The following TRPM7 variants were observed in gnomAD, a reference collection of about 807,000 sequenced individuals.
The protein encoded by TRPM7 is LTRPC ion channel family member 7.
In TRPM7, 134 loss-of-function variants were observed where a neutral mutation model predicts 229.7. The ratio of observed to expected loss-of-function variants is 0.58; its 90% CI spans 0.51 to 0.67. TRPM7 has a LOEUF of 0.67. TRPM7 is among the 30% of genes least tolerant of loss of function. The probability of loss-of-function intolerance (pLI) is 0.00; values close to 1 mark genes in which losing one functional copy is unlikely to be tolerated. For synonymous variants in TRPM7, 699 were observed against 715.2 expected, an observed-to-expected ratio of 0.98 and a Z score of 0.36; for missense variants, 1,901 against 2,210.0, an observed-to-expected ratio of 0.86 and a Z score of 2.80.
rs1247210224 is a variant in TRPM7 at position 50,639,458 on chromosome 15, A to G, written c.626T>C (p.Val209Ala). 1 of 1,604,320 alleles carries G rather than the reference A, an allele frequency of 6.2e-7. No individual in the cohort carries two copies. The highest frequency in any genetic ancestry group is 1.1e-5 in the South Asian group (1 of 88,894). The part of the protein sequence containing the change: ...ICTIGIAPWG[V>A]IENRNDLVGR... The stretch of plus-strand genomic sequence containing the variant: ...AACAAGATCATTTCTGTTTTCAATC[A>G]CTCCCCATGGAGCTATTCCGATAGT... The change falls in exon 6 of 39, where the codon GTG (valine) becomes GCG (alanine). Residue 209 changes from valine (V) to alanine (A), a missense_variant. Val to Ala is a moderately conservative substitution (Grantham distance 64). Coordinates refer to ENST00000646667, the MANE Select transcript of TRPM7 (RefSeq NM_017672.6).
intron 1 of TRPM7, among the ~76,000 whole-genome samples, chr15:50,672,805 G>A (rs2062017657): frequency 6.8e-6 from 1 of 147,872 alleles, no homozygotes; most frequent in African/African-American, 2.5e-5. Context: ...AGCTACTCAG[G>A]AGGCTGAGGC....
intron 38 of TRPM7, among the ~76,000 whole-genome samples, chr15:50,564,826 G>A (rs1485865255): frequency 1.3e-5 from 2 of 152,202 alleles, no homozygotes; most frequent in East Asian, 3.9e-4. Flanking sequence ...TCAAGACTAT[G>A]TCAGTATGGC....
chr15:50,636,867 C>A (rs1013510815), intron 7 of TRPM7, among the ~76,000 whole-genome samples: 1 of 152,120 alleles, frequency 6.6e-6, no homozygotes, highest in African/African-American at 2.4e-5. Flanking sequence ...CAGTGGCTCA[C>A]GCCTGTAATC....
chr15:50,574,891 A>G lies in TRPM7; in HGVS notation c.4980T>C (p.Ser1660=). The G allele has an allele frequency of 6.2e-7, 1 of 1,613,526 alleles. No individual in the cohort carries two copies. The highest frequency in any genetic ancestry group is 8.5e-7 in the Non-Finnish European group (1 of 1,179,514). ...FLPEVVNTWS[S]IYKEDTVLHL... ...GCAGAACTGTATCTTCTTTGTAAAT[A>G]CTTGACCATGTATTAACCACCTCTG... Residue 1660 remains serine (S), a synonymous_variant, in exon 34 of 39, where the codon AGT becomes AGC. Transcript: ENST00000646667.
chr15:50,659,484 G>A (rs2061674069), intron 2 of TRPM7, among the ~76,000 whole-genome samples: 1 of 152,202 alleles, frequency 6.6e-6, no homozygotes, highest in Non-Finnish European at 1.5e-5. Context: ...ATAAAATTAA[G>A]AGTTCAACTA....
intron 29 of TRPM7, chr15:50,582,556 G>T (rs1307226107): frequency 6.6e-6 from 1 of 152,160 alleles, no homozygotes; most frequent in Non-Finnish European, 1.5e-5. Flanking sequence ...CAGAAAGGAG[G>T]ATTTGTTACT....
At chr15:50,595,123 A>G (rs1199278670) in intron 23 of TRPM7, among the ~76,000 whole-genome samples, 1 of 152,084 alleles carries the variant, frequency 6.6e-6, no homozygotes, top group African/African-American at 2.4e-5. Flanking sequence ...GGACTACTTG[A>G]GCCCAGATGG....
chr15:50,567,731 C>A (rs1036892353), intron 38 of TRPM7, among the ~76,000 whole-genome samples: 1 of 151,760 alleles, frequency 6.6e-6, no homozygotes, highest in African/African-American at 2.4e-5. Flanking sequence ...CATGATCATA[C>A]CAAAAGATGC....
chr15:50,680,969 A>C (rs2062228853), intron 1 of TRPM7, among the ~76,000 whole-genome samples: 2 of 152,108 alleles, frequency 1.3e-5, no homozygotes, highest in Admixed American at 6.6e-5. Flanking sequence ...ATATATGTAA[A>C]GTGTCGGGCG....
Position 50,636,017 on chromosome 15 carries a change from T to C in TRPM7, c.832+1405A>G, listed in dbSNP as rs573797990. Reference sequence around the variant, plus strand: ...AAAAATTAAAAATTAAAGAAGAAATTGATGACAGAATTACATAACTGGAAC... The same window carrying C: ...AAAAATTAAAAATTAAAGAAGAAATCGATGACAGAATTACATAACTGGAAC... On this transcript the variant is annotated intron_variant, in intron 7 of 38. Coordinates refer to ENST00000646667, the MANE Select transcript of TRPM7 (RefSeq NM_017672.6). Among the ~76,000 whole-genome samples, 78 of 151,600 alleles carry C rather than the reference T, an allele frequency of 5.1e-4. 1 individual carries two copies. The highest frequency in any genetic ancestry group is 3.4e-3 in the Middle Eastern group (1 of 292).
At chr15:50,613,245 T>C (rs1299972114) in intron 15 of TRPM7, among the ~76,000 whole-genome samples, 4 of 152,180 alleles carry the variant, frequency 2.6e-5, no homozygotes, top group African/African-American at 9.6e-5. Context: ...GGCCCACGCC[T>C]GTAATCCCAG....
In TRPM7 at chr15:50,635,318, T is replaced by TAAA. The variant is rs71124393; in HGVS notation, c.833-765_833-763dup. 9.1e-4 allele frequency among the ~76,000 whole-genome samples: 39 copies of TAAA among 42,946 alleles called. 3 individuals are homozygous for TAAA. Among genetic ancestry groups the TAAA allele is most frequent in the African/African-American group, 2.3e-3 (24 of 10,538 alleles). 28.2% of individuals were successfully genotyped at this position (42,946 alleles called of 152,430 possible). A position where few individuals can be genotyped will look rare whatever the true frequency, so the allele number is the denominator to read the frequency against. ...GGTGACAGAGCGAGACTCCCTCACA[T>TAAA]AAAAAAAAAAAAAAAAAAAAAAAAA... On this transcript the variant is annotated intron_variant, in intron 7 of 38. Transcript: ENST00000646667.
intron 4 of TRPM7, among the ~76,000 whole-genome samples, chr15:50,644,055 A>C (rs1219392123): frequency 6.6e-6 from 1 of 152,222 alleles, no homozygotes; most frequent in Non-Finnish European, 1.5e-5. Flanking sequence ...ATGAATTGTG[A>C]CTATGGAGTA....
At chr15:50,615,226 T>C (rs2060192393) in intron 13 of TRPM7, among the ~76,000 whole-genome samples, 2 of 150,434 alleles carry the variant, frequency 1.3e-5, no homozygotes, top group Admixed American at 6.6e-5. Flanking sequence ...AAATATTCCA[T>C]TTTCATTGTG....
At chr15:50,567,415 T>C (rs1015501463) in intron 38 of TRPM7, among the ~76,000 whole-genome samples, 2 of 152,248 alleles carry the variant, frequency 1.3e-5, no homozygotes, top group East Asian at 1.9e-4. Flanking sequence ...CAAACATTCA[T>C]GGTAGGGACA....
At chr15:50,676,082 A>G (rs1217848293) in intron 1 of TRPM7, among the ~76,000 whole-genome samples, 1 of 152,196 alleles carries the variant, frequency 6.6e-6, no homozygotes, top group Non-Finnish European at 1.5e-5. Flanking sequence ...TCAAATTTCA[A>G]CTATGATGGT....
At position 50,569,980 on chromosome 15, in the gene TRPM7, C is replaced by T. The variant is rs989582163; in HGVS notation, c.5374G>A (p.Val1792Ile). 4.3e-6 allele frequency: 7 copies of T among 1,610,346 alleles called. No individual in the cohort carries two copies. In the African/African-American group the frequency reaches 9.4e-5, roughly 22 times the overall value. The change falls in exon 38 of 39, where the codon GTT becomes ATT. Residue 1792 changes from valine (V) to isoleucine (I), a missense_variant. Physicochemically the swap from Val to Ile is conservative, Grantham distance 29. This residue lies in a region of TRPM7 where 257 missense variants were observed against 352.0 expected (regional missense o/e 0.73). Transcript: ENST00000646667. ...KAEEKRSCDMVFGPANLGEDA... is the reference protein window; with the variant it reads ...KAEEKRSCDMIFGPANLGEDA... ...TCTCCTAGATTTGCTGGGCCAAAAA[C>T]CATATCACAGGATCTGTAGAATTGG...
chr15:50,624,059 TA>T, intron 12 of TRPM7, 106 bp downstream of exon 12: 1 of 1,154,556 alleles, frequency 8.7e-7, no homozygotes, highest in Non-Finnish European at 1.2e-6. Context: ...TTCATATAAC[TA>T]AGGAAGACAT....
chr15:50,570,245 G>A, intron 36 of TRPM7, 90 bp from the exon 37 acceptor site: 1 of 914,012 alleles, frequency 1.1e-6, no homozygotes, highest in Non-Finnish European at 1.6e-6. Flanking sequence ...CATCTTAAGA[G>A]ATGTTATAGT....
Sources: gnomAD v4.1 joint callset for allele counts (sites outside exome capture counted in the v4.1 genomes callset) on GRCh38, gnomAD v4.1.1 for gene constraint, gnomAD v4.1.1 regional missense constraint, MANE v1.5 for transcripts, NCBI Gene and HGNC (gene_info 2026-07-23, HGNC 2026-07-21) for gene names.